MTMR14: variants seen among roughly 807,000 people sequenced by gnomAD.
MTMR14 encodes the protein phosphatidylinositol-3,5-bisphosphate 3-phosphatase MTMR14.
A neutral mutation model predicts 86.3 loss-of-function variants in MTMR14; 48 were observed. The observed-to-expected ratio is 0.56, with a 90% CI of 0.44 to 0.71. The LOEUF (loss-of-function observed/expected upper bound fraction) is 0.71. Among genes scored for constraint, MTMR14 ranks in the 30% least tolerant of loss-of-function variants. The pLI, the probability that MTMR14 is intolerant of heterozygous loss-of-function variation, is 0.00. For synonymous variants in MTMR14, 366 were observed against 326.1 expected (o/e 1.12, Z -1.32); for missense variants, 780 against 834.6 (o/e 0.93, Z 0.81).
At chr3:9,700,900 C>G (rs946991722) in intron 18 of MTMR14, 1 of 151,886 alleles carries the variant, frequency 6.6e-6, no homozygotes, top group African/African-American at 2.4e-5. Flanking sequence ...TCACTGTGAC[C>G]TCTGCCTCCC....
intron 17 of MTMR14, among the ~76,000 whole-genome samples, chr3:9,694,949 G>C (rs537136706): frequency 6.6e-6 from 1 of 152,180 alleles, no homozygotes; most frequent in South Asian, 2.1e-4. Context: ...GGTCTGAGCC[G>C]CTGGGATGTG....
chr3:9,660,183 G>GGCA (rs2047841738), intron 2 of MTMR14, among the ~76,000 whole-genome samples: 1 of 152,116 alleles, frequency 6.6e-6, no homozygotes. Flanking sequence ...GTGAGGGGAA[G>GGCA]GCAGCACACT....
intron 1 of MTMR14, among the ~76,000 whole-genome samples, chr3:9,651,342 A>G (rs570490638): frequency 2.0e-5 from 3 of 151,842 alleles, no homozygotes; most frequent in South Asian, 4.2e-4. Flanking sequence ...AGCTCAAGCA[A>G]TCCTCCCACC....
rs1044682140 is a variant in MTMR14, at chr3:9,688,929, A to G, written c.1295-15A>G. 1.2e-6 allele frequency: 2 copies of G among 1,613,646 alleles called. No homozygotes were observed. Among genetic ancestry groups the G allele is most frequent in the South Asian group, 1.1e-5 (1 of 91,082 alleles). ...AGAAGGTAACACGCTGACTGATGGC[A>G]CTGGCTTCTTTTAGGACGAAAGGAC... is the stretch of plus-strand genomic sequence containing the variant. On this transcript the variant is annotated splice_polypyrimidine_tract_variant and intron_variant, in intron 15 of 18. Transcript: ENST00000296003.
At chr3:9,660,332 C>T (rs1474931221) in intron 2 of MTMR14, among the ~76,000 whole-genome samples, 1 of 151,974 alleles carries the variant, frequency 6.6e-6, no homozygotes, top group Admixed American at 6.6e-5. Flanking sequence ...GATGTTGGCT[C>T]ACTGCAAACT....
Position 9,690,028 on chromosome 3 carries a change from C to T in MTMR14, c.1498C>T (p.Arg500Cys). 1 of 1,612,572 alleles carries T rather than the reference C, an allele frequency of 6.2e-7. No individual in the cohort carries two copies. Among genetic ancestry groups the T allele is most frequent in the Non-Finnish European group, 8.5e-7 (1 of 1,179,894 alleles). The change falls in exon 17 of 19, where the codon CGC (arginine) becomes TGC (cysteine). Residue 500 changes from arginine to cysteine, a missense_variant. By Grantham distance (180) the Arg-to-Cys change is radical. Coordinates refer to ENST00000296003, the MANE Select transcript of MTMR14 (RefSeq NM_001077525.3). ...LWNRPQPSED[R>C]LPSQQGLAEA... ...GAACCGGCCACAACCCTCAGAGGAC[C>T]GCTTGCCTTCCCAGCAGGGGCTGGC...
In MTMR14 at chr3:9,688,123, C is replaced by T. The variant is rs552157071; in HGVS notation, c.1235+232C>T. ...GGGGGTCAACTTGGAGTCACACTAG[C>T]AGACAGGCTTTGGGACAGACGAGTG... On this transcript the variant is annotated intron_variant, in intron 14 of 18. Transcript: ENST00000296003. Among the ~76,000 whole-genome samples, 11 of 152,296 alleles carry T rather than the reference C, an allele frequency of 7.2e-5. No individual in the cohort carries two copies. The South Asian group carries it at 2.1e-3, about 29-fold the overall frequency.
chr3:9,691,364 C>T (rs951640370), intron 17 of MTMR14, among the ~76,000 whole-genome samples: 1 of 152,238 alleles, frequency 6.6e-6, no homozygotes, highest in Non-Finnish European at 1.5e-5. Context: ...TGTGTGCATG[C>T]CTGCTGCCGC....
At chr3:9,684,702 C>T (rs2075879991) in intron 11 of MTMR14, 32 bp downstream of exon 11, 1 of 1,610,634 alleles carries the variant, frequency 6.2e-7, no homozygotes, top group African/African-American at 1.3e-5. Context: ...CCAAGCTCTG[C>T]TCTTTGGGTG....
intron 2 of MTMR14, among the ~76,000 whole-genome samples, chr3:9,657,840 C>T (rs574960093): frequency 3.3e-5 from 5 of 152,128 alleles, no homozygotes; most frequent in Non-Finnish European, 7.3e-5. Flanking sequence ...TGAGCCACCG[C>T]GCCTGGCCCT....
In MTMR14 at chr3:9,672,691, C is replaced by G; in HGVS notation, c.684C>G (p.Thr228=). ...TTGTATCCTTGTCTTGTAGTGTAAC[C>G]TCCTCTGAGAAGGTGGACAAAGCCC... ...NKKVKFGMNV[T]SSEKVDKAQR... is the part of the protein sequence containing the mutation. The change falls in exon 7 of 19, where the codon ACC becomes ACG. Residue 228 remains threonine (T), a synonymous_variant. Transcript: ENST00000296003. 6.2e-7 allele frequency: 1 copy of G among 1,614,074 alleles called. No homozygotes were observed. The highest frequency in any genetic ancestry group is 1.1e-5 in the South Asian group (1 of 91,080).
intron 17 of MTMR14, 43 bp from the exon 18 acceptor site, chr3:9,697,667 AT>A (rs1559621770): frequency 6.2e-7 from 1 of 1,603,246 alleles, no homozygotes; most frequent in South Asian, 1.1e-5. Flanking sequence ...TGTCAGGCAT[AT>A]GACTGACTGC....
chr3:9,668,861 C>A, intron 4 of MTMR14, 67 bp downstream of exon 4: 2 of 1,534,566 alleles, frequency 1.3e-6, no homozygotes, highest in South Asian at 1.1e-5. Flanking sequence ...CTACCCGGGC[C>A]GGGCGCCATG....
intron 3 of MTMR14, among the ~76,000 whole-genome samples, chr3:9,666,133 GTTTT>G (rs1241278468): frequency 8.5e-6 from 1 of 117,296 alleles, no homozygotes; most frequent in Non-Finnish European, 1.8e-5. Flanking sequence ...AAGTTTGTTG[GTTTT>G]TTTTTTTTTT....
At chr3:9,674,730 GAA>G (rs1007311151) in intron 7 of MTMR14, among the ~76,000 whole-genome samples, 4 of 152,320 alleles carry the variant, frequency 2.6e-5, no homozygotes, top group African/African-American at 9.6e-5. Context: ...CTAAGTAAAG[GAA>G]AATGTGCTTA....
intron 7 of MTMR14, among the ~76,000 whole-genome samples, chr3:9,675,138 TAAAAG>T (rs374216413): frequency 1.7e-3 from 257 of 152,038 alleles, no homozygotes; most frequent in African/African-American, 5.6e-3. Flanking sequence ...CAAAAACAAA[TAAAAG>T]GCATCAAAAG....
At chr3:9,664,396 A>G (rs2048130655) in intron 3 of MTMR14, among the ~76,000 whole-genome samples, 1 of 151,860 alleles carries the variant, frequency 6.6e-6, no homozygotes, top group South Asian at 2.1e-4. Context: ...ATTACCAACA[A>G]TACTTTAGGG....
chr3:9,663,882 G>A (rs1190991026), intron 3 of MTMR14, among the ~76,000 whole-genome samples: 4 of 150,904 alleles, frequency 2.7e-5, no homozygotes, highest in Admixed American at 6.6e-5. Flanking sequence ...TCCACCTCCC[G>A]GGTTCAAGCA....
At position 9,670,690 on chromosome 3, in the gene MTMR14, A is replaced by G. The variant is rs144974687; in HGVS notation, c.555-358A>G. Among the ~76,000 whole-genome samples, 357 of 152,328 alleles carry G rather than the reference A, an allele frequency of 2.3e-3. 1 individual carries two copies. The highest frequency in any genetic ancestry group is 8.2e-3 in the African/African-American group (339 of 41,566). On this transcript the variant is annotated intron_variant, in intron 5 of 18. Transcript: ENST00000296003. The stretch of plus-strand genomic sequence containing the variant: ...AAAAGGAGGGGGTGGAAGGGGATCA[A>G]TTCTAATGGAAACGGAAAGATTCTA...
Sources: gnomAD v4.1 joint callset for allele counts (sites outside exome capture counted in the v4.1 genomes callset) on GRCh38, gnomAD v4.1.1 for gene constraint, MANE v1.5 for transcripts, NCBI Gene and HGNC (gene_info 2026-07-23, HGNC 2026-07-21) for gene names.